TRIM2: variants seen among roughly 807,000 people sequenced by gnomAD.
The protein encoded by TRIM2 is tripartite motif-containing protein 2.
A neutral mutation model predicts 75.2 loss-of-function variants in TRIM2; 20 were observed. The ratio of observed to expected loss-of-function variants is 0.27; its 90% confidence interval spans 0.19 to 0.39. The LOEUF (loss-of-function observed/expected upper bound fraction) is 0.39. TRIM2 is among the 10% of genes least tolerant of loss of function. TRIM2 has a pLI of 1.00. For synonymous variants in TRIM2, 373 were observed against 388.3 expected (o/e 0.96, Z 0.46); for missense variants, 660 against 990.8 (o/e 0.67, Z 4.48).
At chr4:153,158,203 T>C (rs1289572277) in intron 1 of TRIM2, among the ~76,000 whole-genome samples, 1 of 152,162 alleles carries the variant, frequency 6.6e-6, no homozygotes, top group Non-Finnish European at 1.5e-5. Flanking sequence ...AACCTTGTTG[T>C]GGTGGTAGCA....
At chr4:153,260,384 C>T (rs551785044) in intron 1 of TRIM2, among the ~76,000 whole-genome samples, 8 of 152,128 alleles carry the variant, frequency 5.3e-5, no homozygotes, top group African/African-American at 1.4e-4. Context: ...ACCACACAGA[C>T]GCAGCCTAAT....
chr4:153,295,264 AG>A lies in TRIM2; in HGVS notation c.787-47del. 6.7e-7 allele frequency: 1 copy of A among 1,501,598 alleles called. No homozygotes were observed. Among genetic ancestry groups the A allele is most frequent in the Non-Finnish European group, 8.9e-7 (1 of 1,125,230 alleles). 93.0% of individuals were successfully genotyped at this position (1,501,598 alleles called of 1,614,324 possible). A position where few individuals can be genotyped will look rare whatever the true frequency, so the allele number is the denominator to read the frequency against. ...CCGGTGGAGGGCACTGCCCCGGGCT[AG>A]GCCCCGCCCTGTGGGACGAGCTCAC... is the stretch of plus-strand genomic sequence containing the variant. On this transcript the variant is annotated intron_variant, in intron 5 of 11. Transcript: ENST00000338700. The surrounding 1 kb of genome is among the most constrained non-coding windows in gnomAD (Gnocchi z 7.2).
chr4:153,234,868 C>G (rs952457014), intron 1 of TRIM2, among the ~76,000 whole-genome samples: 3 of 152,184 alleles, frequency 2.0e-5, no homozygotes, highest in African/African-American at 7.2e-5. Flanking sequence ...ACATGCATCT[C>G]CAACTCAGCA....
chr4:153,190,641 C>T (rs1025072266), intron 1 of TRIM2, among the ~76,000 whole-genome samples: 2 of 152,164 alleles, frequency 1.3e-5, no homozygotes, highest in East Asian at 3.8e-4. Flanking sequence ...AGATGGATGT[C>T]ATTGGGAGGA....
At chr4:153,224,037 G>A (rs374354680) in intron 1 of TRIM2, among the ~76,000 whole-genome samples, 1 of 152,156 alleles carries the variant, frequency 6.6e-6, no homozygotes, top group Non-Finnish European at 1.5e-5. Flanking sequence ...TCCTTTCCCA[G>A]GGGGTGGGAG....
At position 153,228,249 on chromosome 4, in the gene TRIM2, C is replaced by A. The variant is rs187083817; in HGVS notation, c.30+23689C>A. 3.9e-5 allele frequency among the ~76,000 whole-genome samples: 6 copies of A among 152,292 alleles called. No individual in the cohort carries two copies. In the East Asian group the frequency reaches 1.2e-3, roughly 29 times the overall value. Reference sequence around the variant, plus strand: ...CCAAGTATGAATCATCCTTGTCACTCCATTTCCTTCACCACCCAAATCCTG... The same window carrying A: ...CCAAGTATGAATCATCCTTGTCACTACATTTCCTTCACCACCCAAATCCTG... On this transcript the variant is annotated intron_variant, in intron 1 of 11. Transcript: ENST00000338700.
At chr4:153,291,744 TGTC>T (rs1425198920) in intron 3 of TRIM2, among the ~76,000 whole-genome samples, 1 of 152,002 alleles carries the variant, frequency 6.6e-6, no homozygotes, top group Admixed American at 6.5e-5. Flanking sequence ...AAGCAGATGA[TGTC>T]ATCATCATCA....
chr4:153,283,440 C>T (rs905919569), intron 3 of TRIM2, among the ~76,000 whole-genome samples: 24 of 152,092 alleles, frequency 1.6e-4, no homozygotes, highest in Non-Finnish European at 2.9e-4. Context: ...CACAATTTAT[C>T]GATTCATTCA....
chr4:153,278,417 C>T (rs1383364766), intron 3 of TRIM2, among the ~76,000 whole-genome samples: 1 of 152,164 alleles, frequency 6.6e-6, no homozygotes, highest in Non-Finnish European at 1.5e-5. Context: ...CCCAGCCAAG[C>T]TAATATTTCT....
intron 6 of TRIM2, among the ~76,000 whole-genome samples, chr4:153,304,929 G>A (rs1764668823): frequency 1.3e-5 from 2 of 152,198 alleles, no homozygotes; most frequent in South Asian, 4.1e-4. Flanking sequence ...GGCATTATAG[G>A]AGATCTATTG....
chr4:153,228,982 A>T (rs910085282), intron 1 of TRIM2, among the ~76,000 whole-genome samples: 5 of 152,116 alleles, frequency 3.3e-5, no homozygotes, highest in South Asian at 2.1e-4. Flanking sequence ...ACCCACTAAA[A>T]CAACAGGAAA....
chr4:153,313,627 CTTTTTTTTTTT>C (rs398051309), intron 6 of TRIM2, among the ~76,000 whole-genome samples: 1 of 98,528 alleles, frequency 1.0e-5, no homozygotes, highest in Admixed American at 1.1e-4. Flanking sequence ...AGCAATGGCT[CTTTTTTTTTTT>C]TTTTTTTTTT....
At chr4:153,195,318 G>A (rs1579448124) in intron 1 of TRIM2, among the ~76,000 whole-genome samples, 1 of 152,062 alleles carries the variant, frequency 6.6e-6, no homozygotes, top group African/African-American at 2.4e-5. Flanking sequence ...CAGGAGAGCA[G>A]CCTGGGAAAA....
At chr4:153,218,594 T>A (rs1198767914) in intron 1 of TRIM2, among the ~76,000 whole-genome samples, 1 of 152,224 alleles carries the variant, frequency 6.6e-6, no homozygotes, top group Non-Finnish European at 1.5e-5. Flanking sequence ...TTTTAATACA[T>A]CCTTTCCATC....
At chr4:153,270,704 G>C (rs1172380643) in intron 2 of TRIM2, among the ~76,000 whole-genome samples, 185 bp downstream of exon 2, 1 of 152,156 alleles carries the variant, frequency 6.6e-6, no homozygotes, top group Non-Finnish European at 1.5e-5. Flanking sequence ...ACCATTATAA[G>C]CAAGAGAAAG....
At position 153,248,143 on chromosome 4, in the gene TRIM2, C is replaced by T. The variant is rs1317333140; in HGVS notation, c.31-22192C>T. Reference sequence around the variant, plus strand: ...CCTGAATAGCTGGGATTACAGGCGCCTGCCACCATGCCCGGCTAATTTTTA... The same window carrying T: ...CCTGAATAGCTGGGATTACAGGCGCTTGCCACCATGCCCGGCTAATTTTTA... On this transcript the variant is annotated intron_variant, in intron 1 of 11. Transcript: ENST00000338700. This position sits in a 1 kb window ranked among gnomAD's most constrained non-coding sequence, Gnocchi z 4.0. Among the ~76,000 whole-genome samples the T allele has an allele frequency of 6.6e-6, 1 of 152,028 alleles. No homozygotes were observed. Among genetic ancestry groups the T allele is most frequent in the African/African-American group, 2.4e-5 (1 of 41,384 alleles).
chr4:153,280,083 C>CTT, intron 3 of TRIM2, among the ~76,000 whole-genome samples: 1 of 148,934 alleles, frequency 6.7e-6, no homozygotes, highest in Non-Finnish European at 1.5e-5. Flanking sequence ...CTACCCCCAC[C>CTT]CACCCCCCAA....
intron 1 of TRIM2, among the ~76,000 whole-genome samples, chr4:153,217,263 G>T (rs968139498): frequency 6.6e-6 from 1 of 152,184 alleles, no homozygotes; most frequent in African/African-American, 2.4e-5. Context: ...TACATGTACA[G>T]ATAACCCAAG....
At chr4:153,325,566 T>C (rs1452864062) in intron 10 of TRIM2, among the ~76,000 whole-genome samples, 1 of 152,200 alleles carries the variant, frequency 6.6e-6, no homozygotes. Flanking sequence ...TGCTGGAGAA[T>C]GAGCACAACT....
Sources: allele counts gnomAD v4.1 joint callset (sites outside exome capture counted in the v4.1 genomes callset), GRCh38; gene constraint gnomAD v4.1.1; non-coding constraint Gnocchi (gnomAD v3.1); transcripts MANE v1.5; gene names NCBI Gene and HGNC (gene_info 2026-07-23, HGNC 2026-07-21).